Variants in CEP63 observed in about 807,000 individuals in gnomAD.
CEP63 encodes the protein centrosomal protein of 63 kDa.
CEP63 carries 84 observed loss-of-function variants against 89.1 expected under a neutral mutation model. The observed-to-expected ratio is 0.94, with a 90% confidence interval of 0.79 to 1.13. The LOEUF is 1.13. CEP63 is among the 50% of genes most tolerant of loss of function. The pLI is 0.00. For missense variants in CEP63, 838 were observed against 813.3 expected (o/e 1.03, Z -0.37); for synonymous variants, 267 against 272.5 (o/e 0.98, Z 0.20).
upstream of CEP63, chr3:134,485,835 G>T (rs755864399): frequency 3.0e-5 from 9 of 296,642 alleles, no homozygotes; most frequent in Non-Finnish European, 4.0e-5. Context: ...AAAGAAAAAC[G>T]GTTATGAGCG....
the CEP63 span, among the ~76,000 whole-genome samples, chr3:134,762,475 C>G: frequency 6.6e-6 from 1 of 152,138 alleles, no homozygotes; most frequent in Non-Finnish European, 1.5e-5. Context: ...TACTTCAGAA[C>G]ATGACCGTAT....
chr3:134,740,032 C>T, the CEP63 span, among the ~76,000 whole-genome samples: 4,309 of 152,164 alleles, frequency 0.028, 86 homozygotes, highest in Middle Eastern at 0.071. Context: ...CACCGTCCTC[C>T]ACTAGCCTGC....
At position 134,561,642 on chromosome 3, in the gene CEP63, G is replaced by C. The variant is rs1334794109; in HGVS notation, c.*107G>C. 1 of 1,524,176 alleles carries C rather than the reference G, an allele frequency of 6.6e-7. No individual in the cohort carries two copies. The highest frequency in any genetic ancestry group is 8.8e-7 in the Non-Finnish European group (1 of 1,138,052). 94.4% of individuals were successfully genotyped at this position (1,524,176 alleles called of 1,614,324 possible). A position where few individuals can be genotyped will look rare whatever the true frequency, so the allele number is the denominator to read the frequency against. On this transcript the variant is annotated 3_prime_UTR_variant, in exon 15 of 15. Transcript: ENST00000675561. Reference sequence around the variant, plus strand: ...CATGAAGAGATAAAATTATAAAAATGATACATCTAAAGCAGTGGTGAAGAA... The same window carrying C: ...CATGAAGAGATAAAATTATAAAAATCATACATCTAAAGCAGTGGTGAAGAA...
intron 1 of CEP63, among the ~76,000 whole-genome samples, chr3:134,490,651 A>ATAAAACAAGTACCC (rs1321187741): frequency 6.6e-6 from 1 of 152,056 alleles, no homozygotes; most frequent in African/African-American, 2.4e-5. Context: ...CATAATTCCC[A>ATAAAACAAGTACCC]TAAAACAAGT....
chr3:134,556,969 T>A (rs967308242), intron 12 of CEP63, among the ~76,000 whole-genome samples: 1 of 152,220 alleles, frequency 6.6e-6, no homozygotes, highest in African/African-American at 2.4e-5. Flanking sequence ...TCTCTAGTTT[T>A]GAAATTACAT....
At chr3:134,523,929 G>A (rs889437795) in intron 3 of CEP63, among the ~76,000 whole-genome samples, 4 of 152,106 alleles carry the variant, frequency 2.6e-5, no homozygotes, top group African/African-American at 9.7e-5. Context: ...TGTGAAGAAT[G>A]TCATTTGGTA....
chr3:134,522,762 T>A (rs1947752139), intron 3 of CEP63, among the ~76,000 whole-genome samples: 1 of 152,134 alleles, frequency 6.6e-6, no homozygotes, highest in South Asian at 2.1e-4. Context: ...TTTTTATGGC[T>A]GCATAGTATT....
At chr3:134,626,668 C>T in the CEP63 span, among the ~76,000 whole-genome samples, 1 of 152,188 alleles carries the variant, frequency 6.6e-6, no homozygotes, top group Non-Finnish European at 1.5e-5. Context: ...TGTGTCACCT[C>T]TAGACCTGGC....
rs759787735 is a variant in CEP63, at chr3:134,559,135, T to C, written c.1674-15T>C. 4.3e-6 allele frequency: 7 copies of C among 1,613,076 alleles called. No homozygotes were observed. Among genetic ancestry groups the C allele is most frequent in the Non-Finnish European group, 5.1e-6 (6 of 1,179,746 alleles). Reference sequence around the variant, plus strand: ...ACAATTTTTTATTTGTTTTGTTTTCTAATCTACCATCCAGGCCAACCCATG... The same window carrying C: ...ACAATTTTTTATTTGTTTTGTTTTCCAATCTACCATCCAGGCCAACCCATG... On this transcript the variant is annotated splice_polypyrimidine_tract_variant and intron_variant, in intron 13 of 14. Transcript: ENST00000675561.
chr3:134,629,895 G>T, the CEP63 span, among the ~76,000 whole-genome samples: 1,920 of 152,262 alleles, frequency 0.013, 31 homozygotes, highest in African/African-American at 0.04. Flanking sequence ...ATGGAGTAAA[G>T]CACACTCAGC....
At position 134,562,163 on chromosome 3, in the gene CEP63, C is replaced by T. The variant is rs554943541; in HGVS notation, c.*628C>T. ...AGGGCAAGGGACTGGCTGTCATGCACGGTGCCCATGGAATATCCATTGGAA... is the reference window on the plus strand; with the variant it reads ...AGGGCAAGGGACTGGCTGTCATGCATGGTGCCCATGGAATATCCATTGGAA... On this transcript the variant is annotated 3_prime_UTR_variant, in exon 15 of 15. Transcript: ENST00000675561. 14 of 987,012 alleles carry T rather than the reference C, an allele frequency of 1.4e-5. No individual in the cohort carries two copies. The African/African-American group carries it at 2.1e-4, about 15-fold the overall frequency. The allele number at this position is 987,012 out of a possible 1,614,324, so 61.1% of individuals were successfully genotyped here.
intron 3 of CEP63, among the ~76,000 whole-genome samples, chr3:134,519,770 G>A (rs929005757): frequency 1.3e-5 from 2 of 151,980 alleles, no homozygotes; most frequent in African/African-American, 2.4e-5. Context: ...AGTCATTCTG[G>A]GTTGTTTCAA....
At chr3:134,639,080 T>G in the CEP63 span, among the ~76,000 whole-genome samples, 1 of 151,414 alleles carries the variant, frequency 6.6e-6, no homozygotes, top group Admixed American at 6.6e-5. Context: ...GTTTTTTTTT[T>G]TTTTTCCTGC....
chr3:134,584,275 C>T (rs1958430516), intron 10 of CEP63, among the ~76,000 whole-genome samples: 1 of 152,156 alleles, frequency 6.6e-6, no homozygotes, highest in African/African-American at 2.4e-5. Context: ...GGGAATGCCT[C>T]CAATTTTTGC....
the CEP63 span, among the ~76,000 whole-genome samples, chr3:134,638,940 G>A: frequency 6.6e-6 from 1 of 152,192 alleles, no homozygotes; most frequent in Non-Finnish European, 1.5e-5. Context: ...ACATGCACAC[G>A]GGTGTATATG....
chr3:134,717,710 T>C, the CEP63 span, among the ~76,000 whole-genome samples: 1 of 152,208 alleles, frequency 6.6e-6, no homozygotes, highest in Admixed American at 6.5e-5. Context: ...AGGAGGTTTC[T>C]TTATGACAAA....
the CEP63 span, among the ~76,000 whole-genome samples, chr3:134,737,500 A>G: frequency 4.1e-3 from 623 of 152,364 alleles, 2 homozygotes; most frequent in African/African-American, 0.014. Flanking sequence ...TTTACAAAAG[A>G]GCAAAGCAAG....
the CEP63 span, among the ~76,000 whole-genome samples, chr3:134,728,790 A>T: frequency 3.3e-5 from 5 of 152,256 alleles, no homozygotes; most frequent in East Asian, 9.6e-4. Context: ...CAATATACAA[A>T]ATATTAACAG....
At chr3:134,551,759 A>G (rs1371571362) in intron 11 of CEP63, among the ~76,000 whole-genome samples, 167 bp from the exon 12 acceptor site, 1 of 146,614 alleles carries the variant, frequency 6.8e-6, no homozygotes, top group African/African-American at 2.5e-5. Context: ...ATATATACAC[A>G]CACACACGTA....
Sources: allele counts gnomAD v4.1 joint callset (sites outside exome capture counted in the v4.1 genomes callset), GRCh38; gene constraint gnomAD v4.1.1; transcripts MANE v1.5; gene names NCBI Gene and HGNC (gene_info 2026-07-23, HGNC 2026-07-21).